MAF: variants seen among roughly 807,000 people sequenced by gnomAD.
MAF encodes the protein transcription factor Maf.
In MAF, 10 loss-of-function variants were observed where a neutral mutation model predicts 22.0. The observed-to-expected ratio is 0.45, with a 90% CI of 0.28 to 0.77. The LOEUF (loss-of-function observed/expected upper bound fraction) is 0.77, where lower values mean the gene tolerates loss of function less well. Among genes scored for constraint, MAF ranks in the 30% least tolerant of loss-of-function variants. The pLI, the probability that MAF is intolerant of heterozygous loss-of-function variation, is 0.12. For missense variants in MAF, 544 were observed against 548.4 expected, an observed-to-expected ratio of 0.99 and a Z score of 0.08; for synonymous variants, 337 against 255.8, an observed-to-expected ratio of 1.32 and a Z score of -3.03.
At chr16:79,403,402 G>C in the MAF span, among the ~76,000 whole-genome samples, 1 of 152,194 alleles carries the variant, frequency 6.6e-6, no homozygotes, top group Non-Finnish European at 1.5e-5. Context: ...CAGAGTGCTT[G>C]AGACAGCCTC....
At chr16:79,497,803 C>T in the MAF span, among the ~76,000 whole-genome samples, 6 of 152,200 alleles carry the variant, frequency 3.9e-5, no homozygotes, top group Non-Finnish European at 8.8e-5. Flanking sequence ...TGAATTTTTC[C>T]CAGCAAATGA....
chr16:79,413,344 G>T, the MAF span, among the ~76,000 whole-genome samples: 73,415 of 140,156 alleles, frequency 0.52, 19,955 homozygotes, highest in East Asian at 0.9. Context: ...CCGGGTTCAC[G>T]CCATTCTCCT....
At chr16:79,329,077 GA>G in the MAF span, among the ~76,000 whole-genome samples, 6 of 91,808 alleles carry the variant, frequency 6.5e-5, no homozygotes, top group African/African-American at 9.1e-5. Context: ...TTCCTTCTGT[GA>G]TTTTTTTTTT....
chr16:79,214,703 C>CTT, the MAF span, among the ~76,000 whole-genome samples: 2,558 of 43,058 alleles, frequency 0.059, 788 homozygotes, highest in Non-Finnish European at 0.083. Flanking sequence ...CTGTGCCTGG[C>CTT]TTTTTTTTTT....
the MAF span, among the ~76,000 whole-genome samples, chr16:79,294,216 C>G: frequency 6.6e-6 from 1 of 152,342 alleles, no homozygotes; most frequent in East Asian, 1.9e-4. Flanking sequence ...CTGAGTCATG[C>G]AATCCTTCCC....
chr16:79,502,211 A>G, the MAF span, among the ~76,000 whole-genome samples: 1 of 152,300 alleles, frequency 6.6e-6, no homozygotes, highest in Non-Finnish European at 1.5e-5. Context: ...AGGCCCGGCT[A>G]CTTCCATCAG....
the MAF span, among the ~76,000 whole-genome samples, chr16:79,216,489 G>C: frequency 9.6e-3 from 1,462 of 152,234 alleles, 16 homozygotes; most frequent in Non-Finnish European, 0.011. Context: ...TATGACTATT[G>C]TTTCTTCCTT....
At chr16:79,231,097 G>A in the MAF span, among the ~76,000 whole-genome samples, 1 of 152,020 alleles carries the variant, frequency 6.6e-6, no homozygotes, top group East Asian at 1.9e-4. Context: ...AGGAAAAATG[G>A]AGTAAAAATA....
chr16:79,331,192 G>A, the MAF span, among the ~76,000 whole-genome samples: 2 of 152,168 alleles, frequency 1.3e-5, no homozygotes, highest in Admixed American at 6.5e-5. Flanking sequence ...AATCCCACAT[G>A]GAAGATGAAA....
chr16:79,251,077 T>TCC, the MAF span, among the ~76,000 whole-genome samples: 2 of 151,816 alleles, frequency 1.3e-5, no homozygotes, highest in Non-Finnish European at 2.9e-5. Flanking sequence ...GATATTAGAT[T>TCC]CCCCCCGTTT....
the MAF span, among the ~76,000 whole-genome samples, chr16:79,415,631 A>G: frequency 1.3e-5 from 2 of 151,868 alleles, no homozygotes; most frequent in Admixed American, 1.3e-4. Context: ...CTTGCATCCT[A>G]TGGTTGCCTC....
chr16:79,485,513 C>A, the MAF span, among the ~76,000 whole-genome samples: 1 of 152,158 alleles, frequency 6.6e-6, no homozygotes, highest in Non-Finnish European at 1.5e-5. Flanking sequence ...CGTCTCTGAG[C>A]CCAGCACATA....
At chr16:79,489,607 G>A in the MAF span, among the ~76,000 whole-genome samples, 14 of 152,350 alleles carry the variant, frequency 9.2e-5, no homozygotes, top group Non-Finnish European at 5.9e-5. Context: ...AAACATCTCA[G>A]ACTGAAAGAA....
intron 1 of MAF, among the ~76,000 whole-genome samples, chr16:79,586,149 C>T (rs11866012): frequency 0.23 from 34,932 of 152,040 alleles, 4,595 homozygotes; most frequent in East Asian, 0.4. Flanking sequence ...GAATGGCCTG[C>T]GTTACAAGTT....
the MAF span, among the ~76,000 whole-genome samples, chr16:79,429,067 G>A: frequency 2.0e-5 from 3 of 152,120 alleles, no homozygotes; most frequent in East Asian, 5.8e-4. Context: ...CAATGCGGAT[G>A]TCTTTAAATG....
chr16:79,477,266 G>T, the MAF span, among the ~76,000 whole-genome samples: 8 of 152,326 alleles, frequency 5.3e-5, no homozygotes, highest in South Asian at 4.2e-4. Context: ...GTGGCCAAAA[G>T]ATGCCACTTC....
chr16:79,336,820 C>T, the MAF span, among the ~76,000 whole-genome samples: 1 of 152,156 alleles, frequency 6.6e-6, no homozygotes, highest in Non-Finnish European at 1.5e-5. Context: ...AGAAGGGGAC[C>T]ACCTTCTGGA....
At chr16:79,253,314 G>C in the MAF span, among the ~76,000 whole-genome samples, 1 of 152,136 alleles carries the variant, frequency 6.6e-6, no homozygotes, top group African/African-American at 2.4e-5. Flanking sequence ...CCTGTTATTG[G>C]CTGAGCTCCC....
At chr16:79,560,400 C>A in the MAF span, among the ~76,000 whole-genome samples, 1 of 150,590 alleles carries the variant, frequency 6.6e-6, no homozygotes, top group South Asian at 2.1e-4. Context: ...AGGAAACATA[C>A]GAACGAACAA....
Sources: allele counts gnomAD v4.1 joint callset (sites outside exome capture counted in the v4.1 genomes callset), GRCh38; gene constraint gnomAD v4.1.1; transcripts MANE v1.5; gene names NCBI Gene and HGNC (gene_info 2026-07-23, HGNC 2026-07-21).